The following VRTN variants were observed in gnomAD, a reference collection of about 807,000 sequenced individuals.
VRTN encodes vertnin.
VRTN carries 5 observed loss-of-function variants against 18.2 expected under a neutral mutation model. The ratio of observed to expected loss-of-function variants is 0.27; its 90% confidence interval spans 0.14 to 0.58. The LOEUF is 0.58. Among genes scored for constraint, VRTN ranks in the 20% least tolerant of loss-of-function variants. The pLI is 0.91. For synonymous variants in VRTN, 381 were observed against 393.7 expected (o/e 0.97, Z 0.38); for missense variants, 741 against 939.4 (o/e 0.79, Z 2.76).
At chr14:74,303,020 G>C (rs899810763), upstream of VRTN, 5 of 1,219,006 alleles carry the variant, frequency 4.1e-6, no homozygotes, top group Non-Finnish European at 1.1e-6. Flanking sequence ...GTTTGATAGA[G>C]AGGAAGGTGC....
intron 1 of VRTN, among the ~76,000 whole-genome samples, chr14:74,355,999 T>G (rs2085724885): frequency 6.6e-6 from 1 of 151,908 alleles, no homozygotes; most frequent in Non-Finnish European, 1.5e-5. Flanking sequence ...GCCCAGCTAA[T>G]TTTTGTATTT....
At chr14:74,312,753 T>TG (rs1445730518) in intron 1 of VRTN, among the ~76,000 whole-genome samples, 3 of 111,532 alleles carry the variant, frequency 2.7e-5, no homozygotes, top group African/African-American at 4.1e-5. Flanking sequence ...ACCTGGCCTG[T>TG]GTTTTTTTTT....
intron 1 of VRTN, among the ~76,000 whole-genome samples, chr14:74,318,299 C>T (rs570544503): frequency 4.2e-4 from 62 of 146,302 alleles, no homozygotes; most frequent in Non-Finnish European, 6.7e-4. Flanking sequence ...GACAGAGTTT[C>T]GCTCTTTGTT....
At chr14:74,320,275 T>G (rs2085445082) in intron 1 of VRTN, among the ~76,000 whole-genome samples, 1 of 139,234 alleles carries the variant, frequency 7.2e-6, no homozygotes, top group African/African-American at 2.7e-5. Context: ...TTTTTTTTTT[T>G]TTTGAGACGG....
rs555027987 is a variant in VRTN at position 74,335,212 on chromosome 14, C to T, written c.-163-2511C>T. 7.5e-3 allele frequency among the ~76,000 whole-genome samples: 1,142 copies of T among 152,212 alleles called. 8 individuals are homozygous for T. Among genetic ancestry groups the T allele is most frequent in the African/African-American group, 0.027 (1,107 of 41,532 alleles). On this transcript the variant is annotated intron_variant, in intron 1 of 2. Coordinates refer to the VRTN transcript ENST00000557177. ...AGGAGAATAACTTGAACCTGGGAGG[C>T]GGAGTTTGCAGTGAGCTGACATCAT... is the stretch of plus-strand genomic sequence containing the variant.
intron 1 of VRTN, among the ~76,000 whole-genome samples, chr14:74,313,274 T>C (rs1255507143): frequency 6.6e-6 from 1 of 152,100 alleles, no homozygotes; most frequent in Non-Finnish European, 1.5e-5. Flanking sequence ...ACTTCTGTGA[T>C]GAATGAAGCT....
intron 1 of VRTN, among the ~76,000 whole-genome samples, chr14:74,326,272 C>G (rs1595166897): frequency 6.6e-6 from 1 of 152,110 alleles, no homozygotes; most frequent in East Asian, 1.9e-4. Context: ...AAGAAACAAA[C>G]AAAACCTCAG....
chr14:74,316,152 G>A (rs2085418575), intron 1 of VRTN, among the ~76,000 whole-genome samples: 1 of 152,136 alleles, frequency 6.6e-6, no homozygotes. Context: ...AGCATATGGG[G>A]AGAGAGGATG....
intron 1 of VRTN, among the ~76,000 whole-genome samples, chr14:74,314,979 A>G (rs1245344948): frequency 1.3e-5 from 2 of 152,208 alleles, no homozygotes; most frequent in East Asian, 3.8e-4. Context: ...GGAAGGTTAA[A>G]GTCCTATTTC....
upstream of VRTN, among the ~76,000 whole-genome samples, chr14:74,346,366 A>G (rs4903216): frequency 0.81 from 123,623 of 152,104 alleles, 50,881 homozygotes; most frequent in African/African-American, 0.95. Flanking sequence ...TTTAGTGAGG[A>G]GAATGTGTTG....
intron 1 of VRTN, among the ~76,000 whole-genome samples, chr14:74,351,703 C>T (rs184548840): frequency 6.6e-6 from 1 of 151,770 alleles, no homozygotes; most frequent in African/African-American, 2.4e-5. Context: ...TGGTCTCTAA[C>T]TCCTAGGGCT....
chr14:74,334,350 G>A (rs1382080555), intron 1 of VRTN, among the ~76,000 whole-genome samples: 1 of 152,118 alleles, frequency 6.6e-6, no homozygotes, highest in Admixed American at 6.6e-5. Context: ...GCAACATGGT[G>A]AAACCCCATC....
At chr14:74,344,017 C>T (rs1022385934), upstream of VRTN, among the ~76,000 whole-genome samples, 36 of 150,734 alleles carry the variant, frequency 2.4e-4, no homozygotes, top group African/African-American at 8.3e-4. Context: ...AGGCTGGTCT[C>T]GAACTCCTGA....
intron 1 of VRTN, among the ~76,000 whole-genome samples, chr14:74,310,071 C>T (rs2085377476): frequency 6.6e-6 from 1 of 152,144 alleles, no homozygotes; most frequent in African/African-American, 2.4e-5. Context: ...ATATGACACC[C>T]TCACTGTGTA....
chr14:74,357,364 G>T lies in VRTN; in HGVS notation c.581G>T (p.Arg194Leu). Reference protein sequence around the residue: ...QRNIYSIYPMRNLKIRPYFNR... With the variant: ...QRNIYSIYPMLNLKIRPYFNR... ...AACATCTACTCCATCTACCCCATGC[G>T]CAACCTCAAGATCCGGCCCTACTTC... The change falls in exon 2 of 2, where the codon CGC becomes CTC. Residue 194 changes from arginine (R) to leucine (L), a missense_variant. This residue lies in a region of VRTN where 186 missense variants were observed against 288.3 expected (regional missense o/e 0.65). Transcript: ENST00000256362. The surrounding 1 kb of genome is among the most constrained non-coding windows in gnomAD (Gnocchi z 7.8). 6.2e-7 allele frequency: 1 copy of T among 1,613,866 alleles called. No homozygotes were observed. The highest frequency in any genetic ancestry group is 8.5e-7 in the Non-Finnish European group (1 of 1,180,012).
chr14:74,332,150 C>T (rs995546487), intron 1 of VRTN, among the ~76,000 whole-genome samples: 1 of 152,020 alleles, frequency 6.6e-6, no homozygotes, highest in Non-Finnish European at 1.5e-5. Flanking sequence ...GGTTTTGGAC[C>T]TTTGTTCTGT....
intron 1 of VRTN, among the ~76,000 whole-genome samples, chr14:74,314,375 A>T (rs746192203): frequency 3.4e-5 from 5 of 147,354 alleles, no homozygotes; most frequent in Non-Finnish European, 7.4e-5. Context: ...GGACCAAAAG[A>T]CTCAAGAAAA....
intron 1 of VRTN, chr14:74,305,614 G>A (rs1400064361): frequency 1.1e-5 from 2 of 176,460 alleles, no homozygotes; most frequent in Non-Finnish European, 1.2e-5. Context: ...ATGATAACAT[G>A]ATGTTTCAGG....
rs1350307582 is a variant in VRTN at position 74,357,480 on chromosome 14, C to T, written c.697C>T (p.Arg233Cys). The change falls in exon 2 of 2, where the codon CGC becomes TGC. Residue 233 changes from arginine to cysteine, a missense_variant. By Grantham distance (180) the Arg-to-Cys change is radical. Around this residue, in one of 3 missense-constraint regions of VRTN, gnomAD observed 494 missense variants for 546.5 expected, o/e 0.90. Transcript: ENST00000256362. This position sits in a 1 kb window ranked among gnomAD's most constrained non-coding sequence, Gnocchi z 7.8. The stretch of plus-strand genomic sequence containing the variant: ...CCAGCCCCTCACCAGCCACTTCTTC[C>T]GCCACCAGTACTTTGCCCCTGTGGT... ...AGQPLTSHFF[R>C]HQYFAPVVGL... The T allele has an allele frequency of 1.2e-5, 20 of 1,612,170 alleles. No individual in the cohort carries two copies. Among genetic ancestry groups the T allele is most frequent in the Non-Finnish European group, 1.5e-5 (18 of 1,180,020 alleles).
Sources: allele counts gnomAD v4.1 joint callset (sites outside exome capture counted in the v4.1 genomes callset), GRCh38; gene constraint gnomAD v4.1.1; regional missense constraint gnomAD v4.1.1; non-coding constraint Gnocchi (gnomAD v3.1); transcripts MANE v1.5; gene names NCBI Gene and HGNC (gene_info 2026-07-23, HGNC 2026-07-21).